PRR5L: variants seen among roughly 807,000 people sequenced by gnomAD.
PRR5L encodes the protein proline-rich protein 5-like.
PRR5L carries 21 observed loss-of-function variants against 36.4 expected under a neutral mutation model. The ratio of observed to expected loss-of-function variants is 0.58; its 90% confidence interval spans 0.41 to 0.83. PRR5L has a LOEUF of 0.83. Ranked by LOEUF, PRR5L falls within the 40% of genes least tolerant of loss-of-function variation. PRR5L has a pLI of 0.00. For missense variants in PRR5L, 381 were observed against 473.3 expected, an observed-to-expected ratio of 0.80 and a Z score of 1.81; for synonymous variants, 188 against 197.0, an observed-to-expected ratio of 0.95 and a Z score of 0.38.
chr11:36,313,595 G>A (rs1856525490), intron 1 of PRR5L, among the ~76,000 whole-genome samples: 2 of 152,176 alleles, frequency 1.3e-5, no homozygotes, highest in South Asian at 2.1e-4. Context: ...TAAGAATGGA[G>A]GGACCTGGGA....
Position 36,403,282 on chromosome 11 carries a change from T to C in PRR5L, c.165-16T>C. On this transcript the variant is annotated splice_polypyrimidine_tract_variant and intron_variant, in intron 2 of 8. Coordinates refer to ENST00000530639, the MANE Select transcript of PRR5L (RefSeq NM_001160167.2). ...AGGGAGATTCTCTAACCAGGGGTTA[T>C]TCTCTTTTCCTGTAGCGTTCAGACT... 6.2e-7 allele frequency: 1 copy of C among 1,611,998 alleles called. No individual in the cohort carries two copies. The highest frequency in any genetic ancestry group is 8.5e-7 in the Non-Finnish European group (1 of 1,178,116).
chr11:36,377,370 C>T lies in PRR5L; in HGVS notation c.-125-23627C>T, dbSNP rs1035781132. ...CCGCGCTGGGAGTCCGCAGTATCCC[C>T]CTTCCGTTTTATTTCTCCCGCCTGC... On this transcript the variant is annotated intron_variant, in intron 1 of 8. Coordinates refer to ENST00000530639, the MANE Select transcript of PRR5L (RefSeq NM_001160167.2). This position sits in a 1 kb window ranked among gnomAD's most constrained non-coding sequence, Gnocchi z 5.1. Among the ~76,000 whole-genome samples the T allele has an allele frequency of 1.3e-5, 2 of 152,200 alleles. No individual in the cohort carries two copies. The highest frequency in any genetic ancestry group is 2.9e-5 in the Non-Finnish European group (2 of 68,022).
intron 3 of PRR5L, among the ~76,000 whole-genome samples, chr11:36,409,147 C>T (rs1269259459): frequency 1.3e-5 from 2 of 152,190 alleles, no homozygotes; most frequent in East Asian, 3.9e-4. Flanking sequence ...AAAATGATAT[C>T]CAAGTTGAAA....
intron 1 of PRR5L, among the ~76,000 whole-genome samples, chr11:36,331,937 T>G (rs935640844): frequency 6.6e-6 from 1 of 152,210 alleles, no homozygotes; most frequent in African/African-American, 2.4e-5. Flanking sequence ...GTGTCACTCC[T>G]TACAAGCTGT....
At chr11:36,397,086 G>A (rs531220362) in intron 1 of PRR5L, among the ~76,000 whole-genome samples, 38 of 62,308 alleles carry the variant, frequency 6.1e-4, no homozygotes, top group Non-Finnish European at 1.1e-3. Context: ...TTTTTTTTTT[G>A]AGATGGAGTC....
intron 1 of PRR5L, among the ~76,000 whole-genome samples, chr11:36,370,606 G>A (rs1857187680): frequency 6.6e-6 from 1 of 152,180 alleles, no homozygotes; most frequent in African/African-American, 2.4e-5. Context: ...AAGAGGCCGG[G>A]CGAGGTGGCT....
chr11:36,362,301 C>A (rs1433207880), intron 1 of PRR5L: 1 of 151,996 alleles, frequency 6.6e-6, no homozygotes, highest in Non-Finnish European at 1.5e-5. Flanking sequence ...TTTTTGAGGA[C>A]CCTATTCCTT....
In PRR5L at chr11:36,431,865, G is replaced by A. The variant is rs747676828; in HGVS notation, c.307G>A (p.Ala103Thr). 34 of 1,614,002 alleles carry A rather than the reference G, an allele frequency of 2.1e-5. No individual in the cohort carries two copies. In the East Asian group the frequency reaches 6.5e-4, roughly 31 times the overall value. ...ITDYFQNQLL[A>T]KGLFFVEEKI... ...TCTCTTTTGGCAGAACCAGCTTCTT[G>A]CAAAAGGACTGTTCTTTGTGGAGGA... The change falls in exon 5 of 9, where the codon GCA becomes ACA. Residue 103 changes from alanine to threonine, a missense_variant. Physicochemically the swap from Ala to Thr is moderately conservative, Grantham distance 58. Transcript: ENST00000530639.
chr11:36,429,431 G>A (rs1257026163), intron 4 of PRR5L, among the ~76,000 whole-genome samples: 1 of 152,150 alleles, frequency 6.6e-6, no homozygotes, highest in African/African-American at 2.4e-5. Context: ...CAAATGAATG[G>A]TTTGAATTAA....
At chr11:36,451,085 A>G in intron 7 of PRR5L, 124 bp from the exon 8 acceptor site, 1 of 1,191,122 alleles carries the variant, frequency 8.4e-7, no homozygotes, top group South Asian at 1.4e-5. Context: ...AACTGCAAGG[A>G]TGCTGCCTGC....
At chr11:36,402,791 A>G (rs542098098) in intron 2 of PRR5L, among the ~76,000 whole-genome samples, 1 of 152,298 alleles carries the variant, frequency 6.6e-6, no homozygotes, top group Admixed American at 6.5e-5. Context: ...TACACCTCAC[A>G]CGAGTGGACA....
rs79930624 is a variant in PRR5L, at chr11:36,427,444, G to A, written c.295-4409G>A. Among the ~76,000 whole-genome samples, 741 of 152,148 alleles carry A rather than the reference G, an allele frequency of 4.9e-3. 13 individuals carry two copies. The highest frequency in any genetic ancestry group is 0.042 in the East Asian group (214 of 5,148). On this transcript the variant is annotated intron_variant, in intron 4 of 8. Transcript: ENST00000530639. The stretch of plus-strand genomic sequence containing the variant: ...CAAGGAGTGGGACAAGAGAAACTTG[G>A]GTCATCTCCAGCTCTGTTACCATAC...
chr11:36,376,814 G>A, intron 1 of PRR5L: 1 of 816,528 alleles, frequency 1.2e-6, no homozygotes, highest in Non-Finnish European at 1.5e-6. Flanking sequence ...GCGCGGCGTG[G>A]CGGGGGTAGG....
chr11:36,312,090 G>A (rs1856509531), intron 1 of PRR5L, among the ~76,000 whole-genome samples: 3 of 152,176 alleles, frequency 2.0e-5, no homozygotes, highest in African/African-American at 7.2e-5. Flanking sequence ...AATAGGTAGG[G>A]CTTGGGAGTA....
At chr11:36,325,625 T>A (rs1424516059) in intron 1 of PRR5L, among the ~76,000 whole-genome samples, 1 of 152,212 alleles carries the variant, frequency 6.6e-6, no homozygotes, top group Non-Finnish European at 1.5e-5. Flanking sequence ...TTTAGTGAGC[T>A]GTCTCTACTA....
Position 36,400,981 on chromosome 11 carries a change from T to C in PRR5L, c.-125-16T>C. The C allele has an allele frequency of 7.0e-7, 1 of 1,435,564 alleles. No individual in the cohort carries two copies. The highest frequency in any genetic ancestry group is 1.5e-5 in the South Asian group (1 of 64,530). 88.9% of individuals were successfully genotyped at this position (1,435,564 alleles called of 1,614,324 possible). The stretch of plus-strand genomic sequence containing the variant: ...CAGGCCAGGAGTTCTCAATAAAAGC[T>C]TCCCTCTCTTTTCAGGTGTTGGCTA... On this transcript the variant is annotated splice_polypyrimidine_tract_variant and intron_variant, in intron 1 of 8. Transcript: ENST00000530639.
intron 6 of PRR5L, among the ~76,000 whole-genome samples, chr11:36,444,065 T>C (rs979650147): frequency 1.3e-5 from 2 of 152,240 alleles, no homozygotes; most frequent in Non-Finnish European, 2.9e-5. Context: ...TGATAAAATA[T>C]GCCCAACGTG....
chr11:36,459,063 C>T (rs549402266), intron 8 of PRR5L, among the ~76,000 whole-genome samples: 5 of 152,276 alleles, frequency 3.3e-5, no homozygotes, highest in Non-Finnish European at 7.3e-5. Flanking sequence ...ATCCACCCAT[C>T]CCCCAGCCCT....
intron 6 of PRR5L, among the ~76,000 whole-genome samples, chr11:36,441,540 A>T (rs776613542): frequency 2.0e-4 from 30 of 152,208 alleles, no homozygotes; most frequent in Middle Eastern, 3.2e-3. Context: ...GTCTGCTCTC[A>T]CAGATTGGAG....
Sources: allele counts gnomAD v4.1 joint callset (sites outside exome capture counted in the v4.1 genomes callset), GRCh38; gene constraint gnomAD v4.1.1; non-coding constraint Gnocchi (gnomAD v3.1); transcripts MANE v1.5; gene names NCBI Gene and HGNC (gene_info 2026-07-23, HGNC 2026-07-21).